Variants in ABL1 observed in about 807,000 individuals in gnomAD.
The protein encoded by ABL1 is tyrosine-protein kinase ABL1.
Under a neutral mutation model 94.7 loss-of-function variants are expected in ABL1, and 11 were observed. That is an observed-to-expected ratio of 0.12 (90% CI 0.07 to 0.19). The LOEUF (loss-of-function observed/expected upper bound fraction) is 0.19. Ranked by LOEUF, ABL1 falls within the 10% of genes least tolerant of loss-of-function variation. The probability of loss-of-function intolerance (pLI) is 1.00; values close to 1 mark genes in which losing one functional copy is unlikely to be tolerated. For missense variants in ABL1, 1,082 were observed against 1,489.4 expected, an observed-to-expected ratio of 0.73 and a Z score of 4.50; for synonymous variants, 656 against 622.4, an observed-to-expected ratio of 1.05 and a Z score of -0.80.
intron 1 of ABL1, among the ~76,000 whole-genome samples, chr9:130,715,971 G>A (rs934793795): frequency 6.7e-6 from 1 of 149,362 alleles, no homozygotes; most frequent in Non-Finnish European, 1.5e-5. Flanking sequence ...TATACTTGTA[G>A]TCATTGCATT....
At chr9:130,714,217 A>C (rs1041543884) in exon 1 of ABL1, 46 of 1,179,942 alleles carry the variant, frequency 3.9e-5, no homozygotes, top group Non-Finnish European at 5.1e-5. Context: ...GTGGAGATGC[A>C]GCGAATGTGA....
chr9:130,846,818 C>T (rs991254063), intron 1 of ABL1, among the ~76,000 whole-genome samples: 2 of 152,206 alleles, frequency 1.3e-5, no homozygotes, highest in Non-Finnish European at 2.9e-5. Context: ...ATGCCATGTC[C>T]GAGAATCTTT....
At chr9:130,848,803 G>A (rs898673103) in intron 1 of ABL1, among the ~76,000 whole-genome samples, 16 of 152,064 alleles carry the variant, frequency 1.1e-4, no homozygotes, top group African/African-American at 3.6e-4. Flanking sequence ...GCCGAGTGTG[G>A]TGGCGGGCAC....
At chr9:130,824,935 G>A (rs1433011735) in intron 1 of ABL1, among the ~76,000 whole-genome samples, 1 of 152,176 alleles carries the variant, frequency 6.6e-6, no homozygotes, top group Non-Finnish European at 1.5e-5. Context: ...ACAAGCAGAG[G>A]GAAGAAATCT....
intron 1 of ABL1, among the ~76,000 whole-genome samples, chr9:130,747,269 A>G (rs1831899490): frequency 6.6e-6 from 1 of 152,082 alleles, no homozygotes; most frequent in African/African-American, 2.4e-5. Flanking sequence ...TCCCAGCTAC[A>G]TGGGAGGTTG....
intron 1 of ABL1, among the ~76,000 whole-genome samples, chr9:130,781,935 A>G (rs1829761442): frequency 6.6e-6 from 1 of 152,238 alleles, no homozygotes; most frequent in Admixed American, 6.5e-5. Context: ...GCATTCACAT[A>G]TGCACACATA....
chr9:130,862,882 C>T lies in ABL1; in HGVS notation c.669C>T (p.Pro223=), dbSNP rs1300133522. The change falls in exon 4 of 11, where the codon CCC becomes CCT. Residue 223 remains proline (P), a synonymous_variant. Coordinates refer to ENST00000318560, the MANE Select transcript of ABL1 (RefSeq NM_005157.6). This position sits in a 1 kb window ranked among gnomAD's most constrained non-coding sequence, Gnocchi z 5.5. The part of the protein sequence containing the change: ...LHYPAPKRNK[P]TVYGVSPNYD... ...ATCCAGCCCCAAAGCGCAACAAGCC[C>T]ACTGTCTATGGTGTGTCCCCCAACT... 1.2e-6 allele frequency: 2 copies of T among 1,614,054 alleles called. No individual in the cohort carries two copies. The highest frequency in any genetic ancestry group is 1.7e-6 in the Non-Finnish European group (2 of 1,180,034).
At chr9:130,849,938 C>G (rs1041442235) in intron 1 of ABL1, among the ~76,000 whole-genome samples, 4 of 152,162 alleles carry the variant, frequency 2.6e-5, no homozygotes, top group African/African-American at 9.7e-5. Flanking sequence ...CAAGAATGCT[C>G]TGCCTCACAG....
intron 1 of ABL1, among the ~76,000 whole-genome samples, chr9:130,784,074 C>A (rs1432955061): frequency 1.3e-5 from 2 of 151,900 alleles, no homozygotes; most frequent in Non-Finnish European, 2.9e-5. Flanking sequence ...TCTCCAGGGC[C>A]ACTTTAATTG....
chr9:130,796,258 C>G (rs1220676682), intron 1 of ABL1, among the ~76,000 whole-genome samples: 1 of 152,124 alleles, frequency 6.6e-6, no homozygotes, highest in Non-Finnish European at 1.5e-5. Flanking sequence ...CACCATAGCT[C>G]ATGCCTATAA....
At position 130,835,852 on chromosome 9, in the gene ABL1, C is replaced by G. The variant is rs531639182; in HGVS notation, c.79+327C>G. Among the ~76,000 whole-genome samples the G allele has an allele frequency of 1.4e-4, 21 of 152,340 alleles. No homozygotes were observed. Among genetic ancestry groups the G allele is most frequent in the African/African-American group, 5.1e-4 (21 of 41,576 alleles). On this transcript the variant is annotated intron_variant, in intron 1 of 10. Coordinates refer to ENST00000318560, the MANE Select transcript of ABL1 (RefSeq NM_005157.6). This position sits in a 1 kb window ranked among gnomAD's most constrained non-coding sequence, Gnocchi z 4.6. The stretch of plus-strand genomic sequence containing the variant: ...GGCACCAGCCCCGGTAGAGCCACGC[C>G]GGATGGTGACGGCGGCGTCCGGGGC...
intron 1 of ABL1, among the ~76,000 whole-genome samples, chr9:130,815,358 A>G (rs1405162501): frequency 6.6e-6 from 1 of 152,116 alleles, no homozygotes; most frequent in Non-Finnish European, 1.5e-5. Context: ...TAAAAAACTG[A>G]ACTTCATATC....
chr9:130,843,008 C>T (rs1321291446), intron 1 of ABL1, among the ~76,000 whole-genome samples: 10 of 152,168 alleles, frequency 6.6e-5, no homozygotes, highest in Admixed American at 1.3e-4. Context: ...TCATTATGTT[C>T]CCTAGGCTTT....
At chr9:130,809,336 G>A (rs2132848755) in intron 1 of ABL1, among the ~76,000 whole-genome samples, 1 of 151,496 alleles carries the variant, frequency 6.6e-6, no homozygotes, top group East Asian at 1.9e-4. Flanking sequence ...ATGATTCAGG[G>A]GTATTGATTG....
upstream of ABL1, among the ~76,000 whole-genome samples, chr9:130,831,563 A>G (rs187001954): frequency 6.6e-6 from 1 of 152,262 alleles, no homozygotes; most frequent in Non-Finnish European, 1.5e-5. Context: ...TCCTATTCCC[A>G]GTGAAAATAA....
intron 1 of ABL1, among the ~76,000 whole-genome samples, chr9:130,787,366 G>T (rs1829843051): frequency 6.6e-6 from 1 of 152,118 alleles, no homozygotes; most frequent in African/African-American, 2.4e-5. Context: ...TTGTGTGTGT[G>T]TGTGGTGTGA....
chr9:130,810,185 A>G (rs1210066317), intron 1 of ABL1, among the ~76,000 whole-genome samples: 2 of 152,220 alleles, frequency 1.3e-5, no homozygotes, highest in South Asian at 2.1e-4. Flanking sequence ...AAAAGATTTA[A>G]TATGTTAAGT....
intron 1 of ABL1, among the ~76,000 whole-genome samples, chr9:130,775,546 G>A (rs1306451182): frequency 6.6e-6 from 1 of 152,144 alleles, no homozygotes; most frequent in East Asian, 1.9e-4. Context: ...GTAAACTGAG[G>A]GATAAAGCTG....
intron 3 of ABL1, among the ~76,000 whole-genome samples, chr9:130,856,556 G>C (rs938748435): frequency 1.3e-5 from 2 of 152,092 alleles, no homozygotes; most frequent in Non-Finnish European, 2.9e-5. Flanking sequence ...GCATGCATAT[G>C]GTTAAAAAAA....
Sources: gnomAD v4.1 joint callset for allele counts (sites outside exome capture counted in the v4.1 genomes callset) on GRCh38, gnomAD v4.1.1 for gene constraint, Gnocchi (gnomAD v3.1) non-coding constraint, MANE v1.5 for transcripts, NCBI Gene and HGNC (gene_info 2026-07-23, HGNC 2026-07-21) for gene names.